The following PHACTR3 variants were observed in gnomAD, a reference collection of about 807,000 sequenced individuals.
PHACTR3 encodes phosphatase and actin regulator 3, also known as protein phosphatase 1, regulatory subunit 123.
Under a neutral mutation model 66.8 loss-of-function variants are expected in PHACTR3, and 16 were observed. That is an observed-to-expected ratio of 0.24 (90% confidence interval 0.16 to 0.36). The LOEUF (loss-of-function observed/expected upper bound fraction) is 0.36. PHACTR3 is among the 10% of genes least tolerant of loss of function. The pLI is 1.00. For synonymous variants in PHACTR3, 323 were observed against 292.1 expected (o/e 1.11, Z -1.08); for missense variants, 647 against 719.9 (o/e 0.90, Z 1.16).
intron 1 of PHACTR3, among the ~76,000 whole-genome samples, chr20:59,680,372 C>A (rs2146539226): frequency 6.6e-6 from 1 of 152,198 alleles, no homozygotes; most frequent in Admixed American, 6.5e-5. Context: ...GACAGGAGAA[C>A]TGCCTTAATG....
intron 1 of PHACTR3, among the ~76,000 whole-genome samples, chr20:59,698,256 C>A (rs186514480): frequency 2.0e-5 from 3 of 151,960 alleles, no homozygotes; most frequent in East Asian, 3.9e-4. Flanking sequence ...AAAATAATAT[C>A]ATATATAGCA....
intron 1 of PHACTR3, among the ~76,000 whole-genome samples, chr20:59,709,658 C>T (rs1448045970): frequency 6.6e-6 from 1 of 152,172 alleles, no homozygotes; most frequent in Non-Finnish European, 1.5e-5. Context: ...TGAGAGTTAG[C>T]ACCTACTTGG....
intron 8 of PHACTR3, among the ~76,000 whole-genome samples, chr20:59,806,759 A>G (rs1466918387): frequency 1.3e-5 from 2 of 152,150 alleles, no homozygotes; most frequent in African/African-American, 4.8e-5. Context: ...TGGGAACATC[A>G]CAGAGCGCAC....
intron 8 of PHACTR3, 118 bp from the exon 9 acceptor site, chr20:59,836,387 C>A: frequency 2.3e-6 from 2 of 875,478 alleles, no homozygotes; most frequent in East Asian, 3.0e-5. Context: ...TTCTCTCCTT[C>A]CAATTTTGGG....
chr20:59,720,683 A>AT (rs1269678289), intron 1 of PHACTR3, among the ~76,000 whole-genome samples: 2 of 151,998 alleles, frequency 1.3e-5, no homozygotes, highest in African/African-American at 4.8e-5. Flanking sequence ...TTTGCCGTGC[A>AT]TTTTTTTTCC....
rs1418238478 is a variant in PHACTR3 at position 59,727,251 on chromosome 20, A to T, written c.119-15856A>T. 4.0e-5 allele frequency among the ~76,000 whole-genome samples: 6 copies of T among 151,886 alleles called. No individual in the cohort carries two copies. In the East Asian group the frequency reaches 1.2e-3, roughly 29 times the overall value. On this transcript the variant is annotated intron_variant, in intron 1 of 12. Transcript: ENST00000371015. ...CATCATGTTATCAGGGTCCCTCCACACTGTAGCAGGTGTCCAGGCCTCATT... is the reference window on the plus strand; with the variant it reads ...CATCATGTTATCAGGGTCCCTCCACTCTGTAGCAGGTGTCCAGGCCTCATT...
chr20:59,687,041 T>A (rs1224401641), intron 1 of PHACTR3, among the ~76,000 whole-genome samples: 1 of 151,958 alleles, frequency 6.6e-6, no homozygotes, highest in Non-Finnish European at 1.5e-5. Flanking sequence ...GTGGTGATGA[T>A]GATGGTGGTG....
At chr20:59,755,135 G>A in intron 3 of PHACTR3, 47 bp from the exon 4 acceptor site, 1 of 1,577,058 alleles carries the variant, frequency 6.3e-7, no homozygotes, top group Non-Finnish European at 8.6e-7. Flanking sequence ...CGGAAGGGAT[G>A]AAGGAAGGGA....
chr20:59,676,241 G>T (rs114604586), intron 1 of PHACTR3, among the ~76,000 whole-genome samples: 1,898 of 152,330 alleles, frequency 0.012, 42 homozygotes, highest in African/African-American at 0.042. Flanking sequence ...TGCTGCCATC[G>T]TGGGTTCTGT....
intron 1 of PHACTR3, among the ~76,000 whole-genome samples, chr20:59,699,704 C>G (rs1262775103): frequency 6.6e-6 from 1 of 152,136 alleles, no homozygotes; most frequent in African/African-American, 2.4e-5. Context: ...TGGCTCACAC[C>G]TGTAATCCAA....
intron 1 of PHACTR3, among the ~76,000 whole-genome samples, chr20:59,703,727 C>T (rs1046334591): frequency 6.6e-6 from 1 of 151,798 alleles, no homozygotes; most frequent in African/African-American, 2.4e-5. Flanking sequence ...GTAATTTCAT[C>T]AGACTGGAAA....
chr20:59,708,276 T>C (rs2037785444), intron 1 of PHACTR3, among the ~76,000 whole-genome samples: 1 of 152,174 alleles, frequency 6.6e-6, no homozygotes, highest in Non-Finnish European at 1.5e-5. Context: ...ACAACCATGG[T>C]GCCTGTGTCT....
At chr20:59,787,596 CA>C (rs2040955893) in intron 7 of PHACTR3, among the ~76,000 whole-genome samples, 1 of 152,184 alleles carries the variant, frequency 6.6e-6, no homozygotes, top group South Asian at 2.1e-4. Context: ...GTGGCACACA[CA>C]AAAACCCTCA....
At chr20:59,824,530 A>G (rs1285582404) in intron 8 of PHACTR3, among the ~76,000 whole-genome samples, 1 of 152,196 alleles carries the variant, frequency 6.6e-6, no homozygotes, top group Non-Finnish European at 1.5e-5. Flanking sequence ...CCTTTCTGTA[A>G]TGGCATTGAA....
rs193216624 is a variant in PHACTR3, at chr20:59,813,878, C to T, written c.1328+7684C>T. On this transcript the variant is annotated intron_variant, in intron 8 of 12. Transcript: ENST00000371015. ...TCAGCTCAGATGTCACCTTCCTGAC[C>T]ATCTCCCAGTGGCACAGCCTCGCCA... Among the ~76,000 whole-genome samples, 90 of 152,290 alleles carry T rather than the reference C, an allele frequency of 5.9e-4. 1 individual carries two copies. The East Asian group carries it at 0.013, about 22-fold the overall frequency.
At chr20:59,718,116 A>G (rs2038162362) in intron 1 of PHACTR3, among the ~76,000 whole-genome samples, 1 of 152,172 alleles carries the variant, frequency 6.6e-6, no homozygotes, top group Non-Finnish European at 1.5e-5. Context: ...TTCTTCCCCA[A>G]ACCTTGTCAC....
intron 1 of PHACTR3, among the ~76,000 whole-genome samples, chr20:59,623,468 G>A (rs571324227): frequency 6.6e-6 from 1 of 152,346 alleles, no homozygotes; most frequent in South Asian, 2.1e-4. Flanking sequence ...CTCTCTGGCT[G>A]TGCACCCGTC....
At chr20:59,605,156 G>A (rs2033614583) in intron 1 of PHACTR3, 24 bp downstream of exon 1, 3 of 1,273,788 alleles carry the variant, frequency 2.4e-6, no homozygotes, top group Non-Finnish European at 3.0e-6. Context: ...CGGGGGCGGC[G>A]GGCGGGTCGG....
chr20:59,721,124 G>A (rs1027170733), intron 1 of PHACTR3: 3 of 152,230 alleles, frequency 2.0e-5, no homozygotes, highest in Admixed American at 6.5e-5. Context: ...GCAGGTACTA[G>A]TATTATCCCC....
Sources: allele counts gnomAD v4.1 joint callset (sites outside exome capture counted in the v4.1 genomes callset), GRCh38; gene constraint gnomAD v4.1.1; transcripts MANE v1.5; gene names NCBI Gene and HGNC (gene_info 2026-07-23, HGNC 2026-07-21).